PLS1: variants seen among roughly 807,000 people sequenced by gnomAD.
The protein encoded by PLS1 is plastin-1.
In PLS1, 32 loss-of-function variants were observed where a neutral mutation model predicts 73.7. That is an observed-to-expected ratio of 0.43 (90% CI 0.33 to 0.58). PLS1 has a LOEUF of 0.58. Among genes scored for constraint, PLS1 ranks in the 20% least tolerant of loss-of-function variants. PLS1 has a pLI of 0.04. For synonymous variants in PLS1, 217 were observed against 261.3 expected (o/e 0.83, Z 1.63); for missense variants, 633 against 740.5 (o/e 0.85, Z 1.68).
chr3:142,694,932 TA>T (rs1209216254), intron 11 of PLS1, among the ~76,000 whole-genome samples: 2 of 152,224 alleles, frequency 1.3e-5, no homozygotes, highest in Admixed American at 6.5e-5. Context: ...TTTTTGTGTA[TA>T]TTTTTTTCTA....
chr3:142,708,511 G>A (rs180922956), intron 14 of PLS1, among the ~76,000 whole-genome samples: 4 of 151,420 alleles, frequency 2.6e-5, no homozygotes, highest in Non-Finnish European at 5.9e-5. Flanking sequence ...CTCCCAAAGT[G>A]TTGGGATTAC....
chr3:142,659,464 T>G (rs997478271), intron 1 of PLS1, among the ~76,000 whole-genome samples: 2 of 152,218 alleles, frequency 1.3e-5, no homozygotes, highest in African/African-American at 4.8e-5. Context: ...TTCAGTAATG[T>G]GTATCTTTAG....
intron 1 of PLS1, among the ~76,000 whole-genome samples, chr3:142,639,009 G>C (rs184568387): frequency 6.6e-6 from 1 of 152,220 alleles, no homozygotes; most frequent in African/African-American, 2.4e-5. Flanking sequence ...CCAAAGTGCT[G>C]GGATTACAGG....
chr3:142,652,356 TGTGCATTG>T (rs1439441920), intron 1 of PLS1, among the ~76,000 whole-genome samples: 3 of 152,250 alleles, frequency 2.0e-5, no homozygotes, highest in Non-Finnish European at 4.4e-5. Flanking sequence ...TACTTTTTAT[TGTGCATTG>T]GTCAGTAAAT....
chr3:142,645,120 A>G (rs1348692409), intron 1 of PLS1, among the ~76,000 whole-genome samples: 1 of 152,188 alleles, frequency 6.6e-6, no homozygotes, highest in Non-Finnish European at 1.5e-5. Flanking sequence ...TCTTTAAGTA[A>G]ATTGTGTTAA....
At chr3:142,630,028 C>G (rs2036518491) in intron 1 of PLS1, among the ~76,000 whole-genome samples, 1 of 152,164 alleles carries the variant, frequency 6.6e-6, no homozygotes, top group African/African-American at 2.4e-5. Flanking sequence ...AAAAGCAAGA[C>G]CTAAGGGTCA....
chr3:142,689,942 G>A, intron 10 of PLS1, 129 bp downstream of exon 10: 1 of 503,280 alleles, frequency 2.0e-6, no homozygotes, highest in Non-Finnish European at 3.3e-6. Flanking sequence ...TGTATCTATT[G>A]AAAAATTAAA....
intron 14 of PLS1, among the ~76,000 whole-genome samples, chr3:142,708,054 A>G (rs778826210): frequency 2.2e-4 from 34 of 152,106 alleles, no homozygotes; most frequent in Non-Finnish European, 4.4e-5. Flanking sequence ...TTGTTAGACT[A>G]CATAAGTTAA....
At chr3:142,684,200 A>G (rs1283911679) in intron 7 of PLS1, 29 bp downstream of exon 7, 1 of 1,613,816 alleles carries the variant, frequency 6.2e-7, no homozygotes, top group South Asian at 1.1e-5. Context: ...TTTGCTGTTC[A>G]TTGACATGTA....
chr3:142,636,891 A>G (rs777957963), intron 1 of PLS1, among the ~76,000 whole-genome samples: 11 of 152,234 alleles, frequency 7.2e-5, no homozygotes, highest in Non-Finnish European at 1.5e-4. Flanking sequence ...TGAATGGCCA[A>G]AATTAGAAAG....
At chr3:142,613,336 C>T (rs544681710) in intron 1 of PLS1, among the ~76,000 whole-genome samples, 4 of 152,036 alleles carry the variant, frequency 2.6e-5, no homozygotes, top group Non-Finnish European at 5.9e-5. Context: ...AAAAATTAGC[C>T]AGCTGTGGTG....
At chr3:142,670,954 G>A in intron 3 of PLS1, 39 bp from the exon 4 acceptor site, 9 of 1,428,736 alleles carry the variant, frequency 6.3e-6, no homozygotes, top group Non-Finnish European at 8.8e-6. Flanking sequence ...GGTTTTTATT[G>A]ATTATCTGAT....
intron 3 of PLS1, among the ~76,000 whole-genome samples, chr3:142,669,908 G>A (rs1200853540): frequency 6.6e-6 from 1 of 152,140 alleles, no homozygotes; most frequent in East Asian, 1.9e-4. Flanking sequence ...GATTAAGCAG[G>A]TATTTTAGCT....
intron 6 of PLS1, among the ~76,000 whole-genome samples, chr3:142,680,107 G>T (rs2037817495): frequency 6.6e-6 from 1 of 152,220 alleles, no homozygotes; most frequent in Admixed American, 6.5e-5. Context: ...TTAAAGAGAT[G>T]AGGGTCTTGC....
At chr3:142,700,317 T>TTTA (rs2038300691) in intron 12 of PLS1, among the ~76,000 whole-genome samples, 1 of 150,788 alleles carries the variant, frequency 6.6e-6, no homozygotes, top group African/African-American at 2.5e-5. Flanking sequence ...ATTATTATTA[T>TTTA]TTTATTTATT....
At chr3:142,689,153 G>T (rs942335650) in intron 9 of PLS1, among the ~76,000 whole-genome samples, 4 of 152,132 alleles carry the variant, frequency 2.6e-5, no homozygotes, top group Non-Finnish European at 5.9e-5. Context: ...AGGCACGGGG[G>T]CTGGGCTTAG....
Position 142,712,029 on chromosome 3 carries a change from C to G in PLS1, c.*22C>G. 1.9e-6 allele frequency: 3 copies of G among 1,605,212 alleles called. No homozygotes were observed. The highest frequency in any genetic ancestry group is 1.7e-6 in the Non-Finnish European group (2 of 1,172,466). ...ATAATCATTTCATATGATTTTCTGC[C>G]ACATTAAACATATTGTATGCCTCAC... On this transcript the variant is annotated 3_prime_UTR_variant, in exon 16 of 16. Coordinates refer to ENST00000457734, the MANE Select transcript of PLS1 (RefSeq NM_001145319.2).
At chr3:142,667,145 G>A (rs568169047) in intron 2 of PLS1, among the ~76,000 whole-genome samples, 19 of 152,230 alleles carry the variant, frequency 1.2e-4, no homozygotes, top group African/African-American at 3.4e-4. Context: ...GGCCGGGTGC[G>A]GTGGCTCACG....
chr3:142,711,833 C>T, intron 15 of PLS1, 39 bp from the exon 16 acceptor site: 2 of 1,594,594 alleles, frequency 1.3e-6, no homozygotes, highest in Non-Finnish European at 1.7e-6. Flanking sequence ...AGTGAAAACA[C>T]AGTGGATAAC....
Sources: gnomAD v4.1 joint callset for allele counts (sites outside exome capture counted in the v4.1 genomes callset) on GRCh38, gnomAD v4.1.1 for gene constraint, MANE v1.5 for transcripts, NCBI Gene and HGNC (gene_info 2026-07-23, HGNC 2026-07-21) for gene names.